GRID2: variants seen among roughly 807,000 people sequenced by gnomAD.
GRID2 encodes glutamate ionotropic receptor delta type subunit 2.
A neutral mutation model predicts 114.8 loss-of-function variants in GRID2; 33 were observed. The ratio of observed to expected loss-of-function variants is 0.29; its 90% CI spans 0.22 to 0.38. The LOEUF (loss-of-function observed/expected upper bound fraction) is 0.38. Ranked by LOEUF, GRID2 falls within the 10% of genes least tolerant of loss-of-function variation. The pLI, the probability that GRID2 is intolerant of heterozygous loss-of-function variation, is 1.00. For synonymous variants in GRID2, 505 were observed against 449.9 expected (o/e 1.12, Z -1.55); for missense variants, 1,184 against 1,257.7 (o/e 0.94, Z 0.89).
chr4:92,349,175 T>C (rs932361628), intron 1 of GRID2, among the ~76,000 whole-genome samples: 2 of 151,996 alleles, frequency 1.3e-5, no homozygotes, highest in African/African-American at 4.8e-5. Context: ...TTTCAAAAAG[T>C]TAATGTTAAA....
intron 2 of GRID2, among the ~76,000 whole-genome samples, chr4:92,713,519 T>TATATA (rs1464081862): frequency 3.4e-4 from 28 of 81,328 alleles, no homozygotes; most frequent in Non-Finnish European, 6.0e-4. Context: ...ATATATATAT[T>TATATA]ACCAAAATTA....
chr4:93,755,118 C>T (rs147631266), intron 14 of GRID2, among the ~76,000 whole-genome samples: 5 of 152,256 alleles, frequency 3.3e-5, no homozygotes, highest in African/African-American at 4.8e-5. Context: ...ATAACAGCAA[C>T]GTATCCACAC....
At chr4:93,419,726 A>C (rs993477380) in intron 9 of GRID2, among the ~76,000 whole-genome samples, 1 of 152,244 alleles carries the variant, frequency 6.6e-6, no homozygotes, top group African/African-American at 2.4e-5. Context: ...TGCTAGGAAC[A>C]GATTTTGACA....
At chr4:92,349,232 T>C (rs1325948189) in intron 1 of GRID2, among the ~76,000 whole-genome samples, 1 of 152,012 alleles carries the variant, frequency 6.6e-6, no homozygotes, top group East Asian at 1.9e-4. Context: ...TATATGTTTA[T>C]AAGAGATAGG....
At chr4:93,584,420 T>A (rs969265814) in intron 13 of GRID2, among the ~76,000 whole-genome samples, 4 of 152,128 alleles carry the variant, frequency 2.6e-5, no homozygotes, top group Admixed American at 2.6e-4. Context: ...AACATTTAAG[T>A]AGAGCTTTTG....
At chr4:92,332,491 C>G (rs557945359) in intron 1 of GRID2, among the ~76,000 whole-genome samples, 1 of 152,160 alleles carries the variant, frequency 6.6e-6, no homozygotes, top group Non-Finnish European at 1.5e-5. Context: ...CACCCCTGGT[C>G]CCCCAAATTC....
chr4:92,906,651 C>T (rs1282372833), intron 2 of GRID2, among the ~76,000 whole-genome samples: 5 of 152,058 alleles, frequency 3.3e-5, no homozygotes, highest in Non-Finnish European at 5.9e-5. Flanking sequence ...CAGAGTCTCA[C>T]TCTGTCACCC....
At chr4:92,811,667 C>A (rs1740667272) in intron 2 of GRID2, among the ~76,000 whole-genome samples, 1 of 151,938 alleles carries the variant, frequency 6.6e-6, no homozygotes, top group African/African-American at 2.4e-5. Flanking sequence ...TGATTTTTTT[C>A]TTCAGGAACT....
intron 8 of GRID2, among the ~76,000 whole-genome samples, chr4:93,355,349 T>A (rs1761230910): frequency 6.6e-6 from 1 of 151,974 alleles, no homozygotes; most frequent in East Asian, 1.9e-4. Context: ...CCAACATTGG[T>A]CACTTGTGTG....
At position 92,936,272 on chromosome 4, in the gene GRID2, G is replaced by T. The variant is rs74604011; in HGVS notation, c.245-148723G>T. 2.1e-3 allele frequency among the ~76,000 whole-genome samples: 307 copies of T among 145,770 alleles called. 63 individuals are homozygous for T. Among genetic ancestry groups the T allele is most frequent in the Admixed American group, 0.017 (229 of 13,354 alleles). ...GTTCAATTAATTAATAGCTAAATAG[G>T]CTTTGTTTCCTTTCAAATTGATTAA... On this transcript the variant is annotated intron_variant, in intron 2 of 15. Transcript: ENST00000282020.
At chr4:93,371,741 CTTT>C (rs1205096650) in intron 8 of GRID2, among the ~76,000 whole-genome samples, 2 of 89,794 alleles carry the variant, frequency 2.2e-5, no homozygotes, top group Non-Finnish European at 4.2e-5. Context: ...ATCACTATTT[CTTT>C]TTTTTTTTTT....
chr4:92,360,257 G>T (rs1459852607), intron 1 of GRID2, among the ~76,000 whole-genome samples: 1 of 151,868 alleles, frequency 6.6e-6, no homozygotes, highest in Non-Finnish European at 1.5e-5. Flanking sequence ...AAGACAACTT[G>T]TTGGAGGTAA....
intron 8 of GRID2, among the ~76,000 whole-genome samples, chr4:93,344,983 TA>T (rs1270829372): frequency 8.7e-6 from 1 of 114,642 alleles, no homozygotes; most frequent in East Asian, 3.1e-4. Context: ...AGTTGTATTC[TA>T]GTGTGTGTGT....
At chr4:92,454,702 G>C (rs1236501103) in intron 1 of GRID2, among the ~76,000 whole-genome samples, 2 of 152,178 alleles carry the variant, frequency 1.3e-5, no homozygotes, top group African/African-American at 2.4e-5. Context: ...CGGGCGTGTT[G>C]GCAGGCGCCT....
chr4:93,164,156 G>C (rs926969156), intron 4 of GRID2, among the ~76,000 whole-genome samples: 1 of 151,448 alleles, frequency 6.6e-6, no homozygotes. Flanking sequence ...CAAGCCCGGG[G>C]GGGGAAAAAA....
chr4:93,411,656 A>G (rs1767147528), intron 9 of GRID2, among the ~76,000 whole-genome samples: 1 of 150,816 alleles, frequency 6.6e-6, no homozygotes, highest in Non-Finnish European at 1.5e-5. Flanking sequence ...CTGGTCTTGA[A>G]CTCCTGACCT....
chr4:92,640,457 G>C (rs567497111), intron 2 of GRID2, among the ~76,000 whole-genome samples: 1 of 151,752 alleles, frequency 6.6e-6, no homozygotes, highest in Admixed American at 6.6e-5. Flanking sequence ...AAAAATTAAC[G>C]TAAAATCATA....
intron 2 of GRID2, among the ~76,000 whole-genome samples, chr4:92,976,603 C>T (rs995612823): frequency 2.0e-5 from 3 of 152,026 alleles, no homozygotes; most frequent in African/African-American, 4.8e-5. Flanking sequence ...CCCAACTTGC[C>T]TATTGTCAGT....
chr4:93,619,553 C>T lies in GRID2; in HGVS notation c.2194-6716C>T, dbSNP rs148357316. On this transcript the variant is annotated intron_variant, in intron 13 of 15. Coordinates refer to ENST00000282020, the MANE Select transcript of GRID2 (RefSeq NM_001510.4). ...TTATTTCCCTCACATTATTCTCAGGCCTTTTCATTTTTATTTGATGAGGAA... is the reference window on the plus strand; with the variant it reads ...TTATTTCCCTCACATTATTCTCAGGTCTTTTCATTTTTATTTGATGAGGAA... Among the ~76,000 whole-genome samples the T allele has an allele frequency of 5.4e-4, 82 of 152,240 alleles. 1 individual carries two copies. The highest frequency in any genetic ancestry group is 2.0e-3 in the African/African-American group (81 of 41,538).
Sources: allele counts gnomAD v4.1 joint callset (sites outside exome capture counted in the v4.1 genomes callset), GRCh38; gene constraint gnomAD v4.1.1; transcripts MANE v1.5; gene names NCBI Gene and HGNC (gene_info 2026-07-23, HGNC 2026-07-21).